The following SV2C variants were observed in gnomAD, a reference collection of about 807,000 sequenced individuals.
The protein encoded by SV2C is solute carrier family 22 member B3.
A neutral mutation model predicts 79.7 loss-of-function variants in SV2C; 49 were observed. That is an observed-to-expected ratio of 0.61 (90% CI 0.49 to 0.78). The LOEUF (loss-of-function observed/expected upper bound fraction) is 0.78, where lower values mean the gene tolerates loss of function less well. SV2C is among the 30% of genes least tolerant of loss of function. The pLI is 0.00. For synonymous variants in SV2C, 334 were observed against 333.2 expected (o/e 1.00, Z -0.03); for missense variants, 833 against 912.9 (o/e 0.91, Z 1.13).
intron 4 of SV2C, among the ~76,000 whole-genome samples, chr5:76,252,866 G>A (rs1295343010): frequency 1.3e-5 from 2 of 152,126 alleles, no homozygotes; most frequent in Admixed American, 6.5e-5. Context: ...CTATCAACAA[G>A]TAATATTCAT....
the SV2C span, among the ~76,000 whole-genome samples, chr5:75,900,131 T>C: frequency 5.9e-5 from 9 of 152,226 alleles, no homozygotes; most frequent in African/African-American, 2.2e-4. Context: ...TTATTTTGCT[T>C]GTTAGTTGAT....
the SV2C span, among the ~76,000 whole-genome samples, chr5:75,967,108 A>G: frequency 1.5e-4 from 23 of 152,282 alleles, no homozygotes; most frequent in East Asian, 4.3e-3. Flanking sequence ...CTGAAGTAAG[A>G]GGATTGCTTG....
intron 1 of SV2C, among the ~76,000 whole-genome samples, chr5:76,115,616 A>G (rs1036972127): frequency 1.3e-5 from 2 of 152,246 alleles, no homozygotes; most frequent in African/African-American, 4.8e-5. Flanking sequence ...GATCGTAGTC[A>G]GAATAAAAAG....
intron 4 of SV2C, among the ~76,000 whole-genome samples, chr5:76,229,979 G>A (rs1016065214): frequency 1.3e-5 from 2 of 152,332 alleles, no homozygotes; most frequent in Non-Finnish European, 2.9e-5. Flanking sequence ...TCACATGTAA[G>A]TCATGAGTAA....
chr5:75,867,575 A>G, the SV2C span, among the ~76,000 whole-genome samples: 1 of 152,382 alleles, frequency 6.6e-6, no homozygotes, highest in East Asian at 1.9e-4. Flanking sequence ...ATACAAATGC[A>G]TAATAGAAAT....
chr5:76,222,613 C>A (rs1017477370), intron 4 of SV2C, among the ~76,000 whole-genome samples: 1 of 152,160 alleles, frequency 6.6e-6, no homozygotes, highest in East Asian at 1.9e-4. Flanking sequence ...ATGTCAGTTC[C>A]ATGCTTTCGA....
chr5:75,882,818 A>G, the SV2C span, among the ~76,000 whole-genome samples: 2 of 151,912 alleles, frequency 1.3e-5, no homozygotes, highest in Non-Finnish European at 2.9e-5. Flanking sequence ...AGCAATGGCA[A>G]CAAAAGCCAA....
the SV2C span, among the ~76,000 whole-genome samples, chr5:75,866,654 TC>T: frequency 6.6e-6 from 1 of 152,202 alleles, no homozygotes; most frequent in African/African-American, 2.4e-5. Context: ...AATTCGTATC[TC>T]CAGAATCCAA....
chr5:76,210,287 G>T (rs1554040288), intron 4 of SV2C, among the ~76,000 whole-genome samples: 1 of 152,142 alleles, frequency 6.6e-6, no homozygotes, highest in Non-Finnish European at 1.5e-5. Flanking sequence ...CCACAAGACT[G>T]CCCCCCATTT....
intron 2 of SV2C, among the ~76,000 whole-genome samples, chr5:76,157,959 T>C (rs1313692955): frequency 1.3e-5 from 2 of 151,612 alleles, no homozygotes; most frequent in East Asian, 3.9e-4. Context: ...TGGAATAAAA[T>C]TGGTGTAAAT....
At chr5:76,034,057 T>G in the SV2C span, among the ~76,000 whole-genome samples, 5 of 151,776 alleles carry the variant, frequency 3.3e-5, no homozygotes, top group Non-Finnish European at 7.4e-5. Context: ...TTTGTCTGTT[T>G]TTGGAGTATA....
the SV2C span, among the ~76,000 whole-genome samples, chr5:75,902,617 A>C: frequency 3.3e-5 from 5 of 152,168 alleles, no homozygotes; most frequent in Non-Finnish European, 1.5e-5. Flanking sequence ...ATAATTTCCA[A>C]ACTGTGAAAT....
rs796926428 is a variant in SV2C at position 76,238,027 on chromosome 5, TACACACAC to T, written c.913+28172_913+28179del. 9.8e-4 allele frequency among the ~76,000 whole-genome samples: 120 copies of T among 122,928 alleles called. 1 individual carries two copies. Among genetic ancestry groups the T allele is most frequent in the Non-Finnish European group, 5.7e-4 (31 of 54,026 alleles). 80.6% of individuals were successfully genotyped at this position (122,928 alleles called of 152,430 possible). On this transcript the variant is annotated intron_variant, in intron 4 of 12. Coordinates refer to ENST00000502798, the MANE Select transcript of SV2C (RefSeq NM_014979.4). Reference sequence around the variant, plus strand: ...ACATACATATACACACAATCACACATACACACACACACACACACACACACACACACACA... The same window carrying T: ...ACATACATATACACACAATCACACATACACACACACACACACACACACACA...
chr5:75,866,612 C>T, the SV2C span, among the ~76,000 whole-genome samples: 2 of 152,212 alleles, frequency 1.3e-5, no homozygotes, highest in African/African-American at 4.8e-5. Context: ...GAAGACAAAA[C>T]ACCTAAGAAT....
chr5:76,156,632 C>G (rs1284513942), intron 2 of SV2C, among the ~76,000 whole-genome samples: 1 of 151,856 alleles, frequency 6.6e-6, no homozygotes, highest in Non-Finnish European at 1.5e-5. Context: ...TAAATACATT[C>G]AAAGAGCTAA....
At chr5:76,064,183 A>G in the SV2C span, among the ~76,000 whole-genome samples, 1 of 152,108 alleles carries the variant, frequency 6.6e-6, no homozygotes, top group Non-Finnish European at 1.5e-5. Context: ...CTAATACTAG[A>G]CTTCAGGACA....
chr5:76,083,661 G>A (rs1325899663), intron 1 of SV2C, 149 bp downstream of exon 1: 1 of 152,436 alleles, frequency 6.6e-6, no homozygotes, highest in Non-Finnish European at 1.5e-5. Context: ...CCCCGGGGAA[G>A]CGGCTGCAGG....
chr5:76,142,844 T>C (rs1749300249), intron 2 of SV2C, among the ~76,000 whole-genome samples: 2 of 152,246 alleles, frequency 1.3e-5, no homozygotes, highest in South Asian at 4.2e-4. Context: ...CAGTCAAGGC[T>C]GACTAGGAAG....
chr5:76,296,327 A>G (rs922808294), intron 9 of SV2C, among the ~76,000 whole-genome samples: 2 of 152,204 alleles, frequency 1.3e-5, no homozygotes, highest in African/African-American at 4.8e-5. Context: ...ATGTGATTAT[A>G]TGAGTCTTCT....
Sources: gnomAD v4.1 joint callset for allele counts (sites outside exome capture counted in the v4.1 genomes callset) on GRCh38, gnomAD v4.1.1 for gene constraint, MANE v1.5 for transcripts, NCBI Gene and HGNC (gene_info 2026-07-23, HGNC 2026-07-21) for gene names.